The following CDH18 variants were observed in gnomAD, a reference collection of about 807,000 sequenced individuals.
CDH18 encodes cadherin-18.
A neutral mutation model predicts 67.9 loss-of-function variants in CDH18; 31 were observed. The observed-to-expected ratio is 0.46, with a 90% confidence interval of 0.34 to 0.62. CDH18 has a LOEUF of 0.62. Among genes scored for constraint, CDH18 ranks in the 20% least tolerant of loss-of-function variants. The pLI, the probability that CDH18 is intolerant of heterozygous loss-of-function variation, is 0.01. For synonymous variants in CDH18, 362 were observed against 347.2 expected (o/e 1.04, Z -0.48); for missense variants, 890 against 975.5 (o/e 0.91, Z 1.17).
chr5:20,555,874 TC>T (rs1471924535), intron 1 of CDH18, among the ~76,000 whole-genome samples: 2 of 152,024 alleles, frequency 1.3e-5, no homozygotes, highest in African/African-American at 4.8e-5. Context: ...ACAATTACAT[TC>T]CCCCACGTAT....
chr5:20,498,826 AAAATT>A (rs1298399399), intron 1 of CDH18, among the ~76,000 whole-genome samples: 2 of 152,114 alleles, frequency 1.3e-5, no homozygotes, highest in Non-Finnish European at 2.9e-5. Context: ...CAATAAGAAA[AAAATT>A]AAATGGTCAC....
chr5:20,454,458 G>C (rs568227528), intron 1 of CDH18, among the ~76,000 whole-genome samples: 2 of 151,932 alleles, frequency 1.3e-5, no homozygotes, highest in East Asian at 1.9e-4. Context: ...TAGTTCAAAA[G>C]CACATTTCAA....
intron 6 of CDH18, among the ~76,000 whole-genome samples, chr5:19,597,107 C>G (rs1264255618): frequency 1.3e-5 from 2 of 152,200 alleles, no homozygotes; most frequent in African/African-American, 4.8e-5. Flanking sequence ...TCTTGTATCA[C>G]TCTCTGGGGC....
chr5:19,621,303 C>T (rs530294260), intron 5 of CDH18, among the ~76,000 whole-genome samples: 4 of 151,370 alleles, frequency 2.6e-5, no homozygotes, highest in Admixed American at 2.0e-4. Context: ...ATTCCTATGC[C>T]GTTTCATTCC....
intron 7 of CDH18, among the ~76,000 whole-genome samples, chr5:19,573,954 G>C (rs921234814): frequency 6.6e-6 from 1 of 152,150 alleles, no homozygotes; most frequent in Admixed American, 6.5e-5. Context: ...TAAGACCTTA[G>C]AACTAAAAAT....
At chr5:19,483,642 ATCTT>A in intron 11 of CDH18, 90 bp from the exon 12 acceptor site, 3 of 1,335,410 alleles carry the variant, frequency 2.2e-6, no homozygotes, top group Non-Finnish European at 3.1e-6. Flanking sequence ...GGGGATGTGT[ATCTT>A]TCTTGTTTCA....
At chr5:19,584,793 C>CAAAAAAAAAAAAAAAAAAA (rs61297842) in intron 7 of CDH18, among the ~76,000 whole-genome samples, 3 of 75,116 alleles carry the variant, frequency 4.0e-5, no homozygotes, top group African/African-American at 5.4e-5. Context: ...ACTAAAAATA[C>CAAAAAAAAAAAAAAAAAAA]AAAAAAAAAA....
chr5:19,975,524 C>G (rs17290226), intron 2 of CDH18, among the ~76,000 whole-genome samples: 67,076 of 151,916 alleles, frequency 0.44, 16,615 homozygotes, highest in Middle Eastern at 0.66. Context: ...AGAGCAGAAA[C>G]TTCAATAATA....
At chr5:20,243,303 A>G (rs1743130331) in intron 2 of CDH18, among the ~76,000 whole-genome samples, 1 of 152,188 alleles carries the variant, frequency 6.6e-6, no homozygotes, top group Non-Finnish European at 1.5e-5. Context: ...CAATTTGGGC[A>G]GTCAATTAGC....
chr5:19,576,677 G>A (rs1742360640), intron 7 of CDH18, among the ~76,000 whole-genome samples: 1 of 152,152 alleles, frequency 6.6e-6, no homozygotes, highest in Non-Finnish European at 1.5e-5. Context: ...AAAAAAGTAT[G>A]AAGGTTCCTC....
intron 11 of CDH18, among the ~76,000 whole-genome samples, chr5:19,485,447 G>T (rs1173874820): frequency 6.6e-6 from 1 of 151,944 alleles, no homozygotes; most frequent in African/African-American, 2.4e-5. Context: ...AGTAGAGACG[G>T]GGTTTCACCG....
chr5:20,517,151 C>T (rs1755427875), intron 1 of CDH18, among the ~76,000 whole-genome samples: 1 of 151,686 alleles, frequency 6.6e-6, no homozygotes, highest in African/African-American at 2.4e-5. Context: ...CAAAATCAGT[C>T]AAATTATCAT....
chr5:20,138,269 T>C (rs562251672), intron 2 of CDH18, among the ~76,000 whole-genome samples: 2 of 152,286 alleles, frequency 1.3e-5, no homozygotes, highest in Admixed American at 1.3e-4. Flanking sequence ...CAACAGCCCT[T>C]CATGCTAAAA....
At chr5:19,632,805 C>T (rs1752596624) in intron 5 of CDH18, among the ~76,000 whole-genome samples, 1 of 152,176 alleles carries the variant, frequency 6.6e-6, no homozygotes, top group Non-Finnish European at 1.5e-5. Flanking sequence ...TAACTGGGCA[C>T]TGTGGTTCAG....
chr5:20,133,471 G>A (rs1214035478), intron 2 of CDH18, among the ~76,000 whole-genome samples: 2 of 152,116 alleles, frequency 1.3e-5, no homozygotes, highest in Admixed American at 1.3e-4. Flanking sequence ...CCCATGACAG[G>A]TGGAGATTAT....
upstream of CDH18, among the ~76,000 whole-genome samples, chr5:19,990,742 T>C (rs1799935066): frequency 6.6e-6 from 1 of 152,064 alleles, no homozygotes; most frequent in South Asian, 2.1e-4. Flanking sequence ...AGTGCATCTC[T>C]TGTATTTTCA....
rs58308147 is a variant in CDH18 at position 20,418,242 on chromosome 5, A to ATTTTTTTTTTTTTTTTTTTTTTTT, written c.-580+157196_-580+157219dup. ...AGGTGTCTGCCACCACTGCTGGCTAATTTTTTTTTTTTTTTTTTTTTTTTG... is the reference window on the plus strand; with the variant it reads ...AGGTGTCTGCCACCACTGCTGGCTAATTTTTTTTTTTTTTTTTTTTTTTTTTTTTTTTTTTTTTTTTTTTTTTTG... On this transcript the variant is annotated intron_variant, in intron 1 of 14. Transcript: ENST00000507958. Among the ~76,000 whole-genome samples the ATTTTTTTTTTTTTTTTTTTTTTTT allele has an allele frequency of 2.0e-3, 115 of 56,910 alleles. 19 individuals carry two copies. The highest frequency in any genetic ancestry group is 3.2e-3 in the African/African-American group (38 of 12,050). 37.3% of individuals were successfully genotyped at this position (56,910 alleles called of 152,430 possible).
intron 2 of CDH18, among the ~76,000 whole-genome samples, chr5:19,942,161 G>T (rs1050442788): frequency 2.0e-5 from 3 of 152,104 alleles, no homozygotes; most frequent in African/African-American, 2.4e-5. Flanking sequence ...CTCTGACAGG[G>T]GATGATGTTC....
In CDH18 at chr5:19,916,346, T is replaced by G. The variant is rs193285359; in HGVS notation, c.-257+64714A>C. On this transcript the variant is annotated intron_variant, in intron 2 of 12. Transcript: ENST00000382275. The stretch of plus-strand genomic sequence containing the variant: ...GTAGCTATTCTTCTGCAAGAAATCT[T>G]CCAGTATCCACAGGGATTACGCCCT... Among the ~76,000 whole-genome samples, 35 of 152,264 alleles carry G rather than the reference T, an allele frequency of 2.3e-4. 2 individuals carry two copies. Among genetic ancestry groups the G allele is most frequent in the Admixed American group, 2.0e-3 (30 of 15,284 alleles).
Sources: gnomAD v4.1 joint callset for allele counts (sites outside exome capture counted in the v4.1 genomes callset) on GRCh38, gnomAD v4.1.1 for gene constraint, MANE v1.5 for transcripts, NCBI Gene and HGNC (gene_info 2026-07-23, HGNC 2026-07-21) for gene names.